TET1: variants seen among roughly 807,000 people sequenced by gnomAD.
The protein encoded by TET1 is methylcytosine dioxygenase TET1.
TET1 carries 13 observed loss-of-function variants against 148.7 expected under a neutral mutation model. The ratio of observed to expected loss-of-function variants is 0.09; its 90% CI spans 0.06 to 0.14. The LOEUF (loss-of-function observed/expected upper bound fraction) is 0.14, where lower values mean the gene tolerates loss of function less well. Ranked by LOEUF, TET1 falls within the 10% of genes least tolerant of loss-of-function variation. The probability of loss-of-function intolerance (pLI) is 1.00; values close to 1 mark genes in which losing one functional copy is unlikely to be tolerated. For synonymous variants in TET1, 907 were observed against 937.2 expected (o/e 0.97, Z 0.59); for missense variants, 2,182 against 2,553.8 (o/e 0.85, Z 3.14).
chr10:68,660,411 C>T (rs2055089408), intron 6 of TET1, among the ~76,000 whole-genome samples: 1 of 147,900 alleles, frequency 6.8e-6, no homozygotes, highest in African/African-American at 2.5e-5. Context: ...ACAATCTGGG[C>T]TTACTGCGAC....
chr10:68,568,379 C>G, intron 1 of TET1, among the ~76,000 whole-genome samples: 1 of 152,068 alleles, frequency 6.6e-6, no homozygotes, highest in Middle Eastern at 3.4e-3. Flanking sequence ...CCCACCACCA[C>G]GCCCAGCTAC....
rs1228630053 is a variant in TET1 at position 68,635,231 on chromosome 10, A to G, written c.1969-9467A>G. Among the ~76,000 whole-genome samples the G allele has an allele frequency of 3.3e-5, 5 of 152,152 alleles. No individual in the cohort carries two copies. The East Asian group carries it at 5.8e-4, about 18-fold the overall frequency. On this transcript the variant is annotated intron_variant, in intron 3 of 11. Transcript: ENST00000373644. The stretch of plus-strand genomic sequence containing the variant: ...GGTTTTTCTCAAATGTTGGAGGACA[A>G]GTAGAAAAATGCCTATCTAATAGGC...
chr10:68,630,133 G>A (rs927516634), intron 3 of TET1, among the ~76,000 whole-genome samples: 5 of 152,152 alleles, frequency 3.3e-5, no homozygotes, highest in African/African-American at 1.2e-4. Context: ...ATGAGTAGAG[G>A]ACACGGGCTG....
At chr10:68,621,043 A>T (rs1300518235) in intron 3 of TET1, among the ~76,000 whole-genome samples, 1 of 152,190 alleles carries the variant, frequency 6.6e-6, no homozygotes, top group African/African-American at 2.4e-5. Context: ...GTCCTTTATC[A>T]AATGTATGGT....
At chr10:68,656,511 C>T (rs1357083098) in intron 6 of TET1, among the ~76,000 whole-genome samples, 1 of 152,212 alleles carries the variant, frequency 6.6e-6, no homozygotes, top group African/African-American at 2.4e-5. Flanking sequence ...ATCTGCCCAC[C>T]TCAGCCTCCC....
At chr10:68,561,399 G>T (rs910031498) in intron 1 of TET1, among the ~76,000 whole-genome samples, 1 of 152,184 alleles carries the variant, frequency 6.6e-6, no homozygotes, top group Non-Finnish European at 1.5e-5. Context: ...GCTGGGAGTT[G>T]TAAGGATCAG....
chr10:68,633,649 C>T (rs993173426), intron 3 of TET1, among the ~76,000 whole-genome samples: 1 of 152,084 alleles, frequency 6.6e-6, no homozygotes, highest in African/African-American at 2.4e-5. Flanking sequence ...TGAAACCCCA[C>T]GCTGGTCCTG....
intron 11 of TET1, among the ~76,000 whole-genome samples, chr10:68,689,438 C>T (rs919339102): frequency 1.3e-5 from 2 of 152,040 alleles, no homozygotes; most frequent in Non-Finnish European, 2.9e-5. Context: ...CGTGGTGGCT[C>T]ATGCCTGTAA....
At chr10:68,578,874 G>A (rs150744537) in intron 2 of TET1, among the ~76,000 whole-genome samples, 39 of 152,162 alleles carry the variant, frequency 2.6e-4, no homozygotes, top group South Asian at 4.1e-4. Context: ...AAAATTTGCC[G>A]GGCGTGATAG....
rs1181826992 is a variant in TET1 at position 68,624,634 on chromosome 10, TTC to T, written c.1969-20062_1969-20061del. ...TTTCTTTCTTTCTTTCTTTCTTTCT[TTC>T]TTTCTTTCTTTCTTTCTTTCTTTCT... On this transcript the variant is annotated intron_variant, in intron 3 of 11. Transcript: ENST00000373644. 7.6e-4 allele frequency among the ~76,000 whole-genome samples: 35 copies of T among 46,036 alleles called. 2 individuals are homozygous for T. Among genetic ancestry groups the T allele is most frequent in the African/African-American group, 3.8e-3 (33 of 8,738 alleles). The allele number at this position is 46,036 out of a possible 152,430, so 30.2% of individuals were successfully genotyped here. A position where few individuals can be genotyped will look rare whatever the true frequency, so the allele number is the denominator to read the frequency against.
intron 3 of TET1, chr10:68,632,271 G>T: frequency 1.0e-6 from 1 of 987,408 alleles, no homozygotes; most frequent in East Asian, 2.6e-5. Flanking sequence ...GCAGTGAGCC[G>T]AGATCCCGCC....
chr10:68,573,484 C>T lies in TET1; in HGVS notation c.1146C>T (p.Asp382=), dbSNP rs1043530517. ...ATCAATGGGAACTTCCTGGTGCTGA[C>T]CCAGTTCATGGTGAGGCCCTGGGTG... ...IPHQWELPGA[D]PVHGEALGET... Residue 382 remains aspartate (D), a synonymous_variant, in exon 2 of 12, where the codon GAC becomes GAT. Coordinates refer to ENST00000373644, the MANE Select transcript of TET1 (RefSeq NM_030625.3). 4.3e-6 allele frequency: 7 copies of T among 1,614,048 alleles called. No individual in the cohort carries two copies. The highest frequency in any genetic ancestry group is 3.3e-5 in the South Asian group (3 of 91,086).
intron 3 of TET1, among the ~76,000 whole-genome samples, chr10:68,624,131 CTGT>C (rs1007060345): frequency 3.4e-5 from 5 of 147,934 alleles, no homozygotes; most frequent in African/African-American, 9.9e-5. Context: ...GAGTCTCGAT[CTGT>C]TGCCCAGGCT....
At chr10:68,656,630 T>A (rs2055025624) in intron 6 of TET1, among the ~76,000 whole-genome samples, 1 of 152,254 alleles carries the variant, frequency 6.6e-6, no homozygotes, top group South Asian at 2.1e-4. Flanking sequence ...AATATTCATA[T>A]CACTTACTGC....
At chr10:68,569,142 C>G (rs956784914) in intron 1 of TET1, among the ~76,000 whole-genome samples, 3 of 146,102 alleles carry the variant, frequency 2.1e-5, no homozygotes, top group African/African-American at 7.7e-5. Flanking sequence ...AGGAATACTG[C>G]TGGATCTCCA....
At chr10:68,676,120 G>C (rs546324148) in intron 8 of TET1, among the ~76,000 whole-genome samples, 18 of 149,542 alleles carry the variant, frequency 1.2e-4, no homozygotes, top group African/African-American at 4.4e-4. Context: ...CTCCCAAAGT[G>C]CTGGGATTAT....
intron 2 of TET1, among the ~76,000 whole-genome samples, chr10:68,580,230 G>A (rs1342984157): frequency 6.7e-6 from 1 of 149,818 alleles, no homozygotes; most frequent in Non-Finnish European, 1.5e-5. Flanking sequence ...GCCCGGCCGA[G>A]TCTCACTCTT....
At chr10:68,572,111 C>G (rs1015184388) in intron 1 of TET1, 106 bp from the exon 2 acceptor site, 17 of 451,758 alleles carry the variant, frequency 3.8e-5, no homozygotes, top group Non-Finnish European at 6.2e-5. Context: ...GAATGAGACC[C>G]TGTCTCAAAA....
chr10:68,687,289 C>T (rs2133237900), intron 11 of TET1, among the ~76,000 whole-genome samples: 1 of 152,124 alleles, frequency 6.6e-6, no homozygotes, highest in South Asian at 2.1e-4. Context: ...GCTTGGCACG[C>T]CTTGGCTTAA....
Sources: allele counts gnomAD v4.1 joint callset (sites outside exome capture counted in the v4.1 genomes callset), GRCh38; gene constraint gnomAD v4.1.1; transcripts MANE v1.5; gene names NCBI Gene and HGNC (gene_info 2026-07-23, HGNC 2026-07-21).